Variants in ANTXR2 observed in about 807,000 individuals in gnomAD.
ANTXR2 encodes the protein ANTXR cell adhesion molecule 2.
Under a neutral mutation model 73.7 loss-of-function variants are expected in ANTXR2, and 44 were observed. The ratio of observed to expected loss-of-function variants is 0.60; its 90% CI spans 0.47 to 0.77. The LOEUF is 0.77. Ranked by LOEUF, ANTXR2 falls within the 30% of genes least tolerant of loss-of-function variation. ANTXR2 has a pLI of 0.00. For synonymous variants in ANTXR2, 217 were observed against 205.9 expected (o/e 1.05, Z -0.46); for missense variants, 604 against 592.5 (o/e 1.02, Z -0.20).
chr4:79,951,397 T>C (rs539582630), intron 16 of ANTXR2, among the ~76,000 whole-genome samples: 1 of 152,084 alleles, frequency 6.6e-6, no homozygotes, highest in South Asian at 2.1e-4. Context: ...CTAGCCAACA[T>C]GGTGAAACCC....
At chr4:79,949,661 C>T (rs1728633864) in intron 16 of ANTXR2, among the ~76,000 whole-genome samples, 1 of 152,024 alleles carries the variant, frequency 6.6e-6, no homozygotes, top group South Asian at 2.1e-4. Flanking sequence ...CACAACTTAC[C>T]AGCTGTTTAA....
At chr4:79,918,318 AG>A (rs1426543617) in intron 16 of ANTXR2, among the ~76,000 whole-genome samples, 1 of 152,086 alleles carries the variant, frequency 6.6e-6, no homozygotes, top group Non-Finnish European at 1.5e-5. Flanking sequence ...AGAACTTCCT[AG>A]AATTGATAGA....
At chr4:79,943,623 A>G (rs1728397609) in intron 16 of ANTXR2, among the ~76,000 whole-genome samples, 1 of 113,674 alleles carries the variant, frequency 8.8e-6, no homozygotes, top group South Asian at 3.7e-4. Flanking sequence ...ATTGGGAGAT[A>G]TACCTAATGC....
chr4:80,071,771 G>A (rs555779422), intron 1 of ANTXR2, 117 bp from the exon 2 acceptor site: 1 of 784,418 alleles, frequency 1.3e-6, no homozygotes, highest in Non-Finnish European at 2.1e-6. Flanking sequence ...TCTTTTTCAA[G>A]CTAAGTAAGG....
chr4:79,997,576 ACTTCAACATCTAGC>A lies in ANTXR2; in HGVS notation c.1041+10931_1041+10944del, dbSNP rs1029390130. Among the ~76,000 whole-genome samples, 26 of 152,056 alleles carry A rather than the reference ACTTCAACATCTAGC, an allele frequency of 1.7e-4. 1 individual carries two copies. Among genetic ancestry groups the A allele is most frequent in the East Asian group, 1.6e-3 (8 of 5,160 alleles). ...TTTTCTGAATCCCACAAAGTATCTA[ACTTCAACATCTAGC>A]CTTCAACATCCTGACCAAAATATGA... On this transcript the variant is annotated intron_variant, in intron 12 of 16. Coordinates refer to ENST00000403729, the MANE Select transcript of ANTXR2 (RefSeq NM_058172.6).
intron 16 of ANTXR2, among the ~76,000 whole-genome samples, chr4:79,950,639 A>G (rs1166921841): frequency 6.6e-6 from 1 of 152,172 alleles, no homozygotes; most frequent in Non-Finnish European, 1.5e-5. Context: ...AAAAAACAAA[A>G]CAAAACAGAT....
At chr4:80,021,146 T>C (rs1331531835) in intron 10 of ANTXR2, among the ~76,000 whole-genome samples, 1 of 66,088 alleles carries the variant, frequency 1.5e-5, no homozygotes, top group Non-Finnish European at 2.9e-5. Flanking sequence ...CGAGACTCCA[T>C]CTCAAAAAAA....
intron 3 of ANTXR2, among the ~76,000 whole-genome samples, chr4:80,066,983 G>GTCAGGAGA (rs1560432817): frequency 6.6e-6 from 1 of 152,042 alleles, no homozygotes; most frequent in African/African-American, 2.4e-5. Flanking sequence ...GGATCACGAG[G>GTCAGGAGA]TCAGGAGATC....
chr4:80,004,918 A>C (rs1482975296), intron 12 of ANTXR2, among the ~76,000 whole-genome samples: 1 of 152,048 alleles, frequency 6.6e-6, no homozygotes, highest in Non-Finnish European at 1.5e-5. Flanking sequence ...ACTGTTCTGA[A>C]AGACTTGCTG....
intron 16 of ANTXR2, among the ~76,000 whole-genome samples, chr4:79,955,182 A>C (rs905721832): frequency 4.6e-5 from 7 of 152,184 alleles, no homozygotes; most frequent in African/African-American, 1.7e-4. Flanking sequence ...GAAATAGACA[A>C]ATTTTATAGA....
chr4:80,068,597 C>A (rs902595600), intron 3 of ANTXR2, among the ~76,000 whole-genome samples: 46 of 151,976 alleles, frequency 3.0e-4, no homozygotes, highest in African/African-American at 1.1e-3. Flanking sequence ...AGTGAAACCC[C>A]CGTCTCTACT....
chr4:80,005,850 A>T (rs1317019258), intron 12 of ANTXR2, among the ~76,000 whole-genome samples: 7 of 152,080 alleles, frequency 4.6e-5, no homozygotes, highest in Non-Finnish European at 1.0e-4. Context: ...GACTGATCGA[A>T]TCTCTCCAGT....
chr4:80,039,130 C>T (rs1376010519), intron 7 of ANTXR2, among the ~76,000 whole-genome samples: 1 of 152,026 alleles, frequency 6.6e-6, no homozygotes, highest in African/African-American at 2.4e-5. Context: ...TGTGATGAGG[C>T]ATCTATTTCT....
chr4:80,055,046 C>T, intron 6 of ANTXR2, 104 bp downstream of exon 6: 1 of 1,052,748 alleles, frequency 9.5e-7, no homozygotes, highest in Non-Finnish European at 1.4e-6. Context: ...AAATCTTTAA[C>T]AATCGACCAG....
At chr4:79,982,442 G>T (rs1729931892) in intron 14 of ANTXR2, among the ~76,000 whole-genome samples, 1 of 152,096 alleles carries the variant, frequency 6.6e-6, no homozygotes. Flanking sequence ...AGTTGTTACA[G>T]ATCGTATTTG....
chr4:80,049,318 C>T (rs1733668077), intron 7 of ANTXR2, among the ~76,000 whole-genome samples: 1 of 151,782 alleles, frequency 6.6e-6, no homozygotes, highest in East Asian at 1.9e-4. Context: ...AGGGTACTCA[C>T]ATCTCAGTCT....
intron 16 of ANTXR2, among the ~76,000 whole-genome samples, chr4:79,926,273 A>C (rs1447636673): frequency 6.6e-6 from 1 of 152,144 alleles, no homozygotes; most frequent in African/African-American, 2.4e-5. Context: ...CAATTTACCA[A>C]AACATAGCAA....
intron 7 of ANTXR2, among the ~76,000 whole-genome samples, chr4:80,044,697 A>AT (rs1733435048): frequency 6.6e-6 from 1 of 151,680 alleles, no homozygotes; most frequent in African/African-American, 2.4e-5. Flanking sequence ...TAAAATCCAT[A>AT]TTTTTTTTCT....
At chr4:79,956,581 C>T (rs1412385340) in intron 16 of ANTXR2, among the ~76,000 whole-genome samples, 1 of 152,052 alleles carries the variant, frequency 6.6e-6, no homozygotes, top group South Asian at 2.1e-4. Flanking sequence ...ACAGATAGGA[C>T]AAAAATGTGA....
Sources: allele counts gnomAD v4.1 joint callset (sites outside exome capture counted in the v4.1 genomes callset), GRCh38; gene constraint gnomAD v4.1.1; transcripts MANE v1.5; gene names NCBI Gene and HGNC (gene_info 2026-07-23, HGNC 2026-07-21).